Variants in KIRREL3 observed in about 807,000 individuals in gnomAD.
KIRREL3 encodes the protein kin of IRRE-like protein 3.
Under a neutral mutation model 89.7 loss-of-function variants are expected in KIRREL3, and 36 were observed. The ratio of observed to expected loss-of-function variants is 0.40; its 90% confidence interval spans 0.31 to 0.53. KIRREL3 has a LOEUF of 0.53. Among genes scored for constraint, KIRREL3 ranks in the 20% least tolerant of loss-of-function variants. The pLI is 0.49. For missense variants in KIRREL3, 864 were observed against 1,056.6 expected (o/e 0.82, Z 2.53); for synonymous variants, 445 against 441.4 (o/e 1.01, Z -0.10).
At position 126,896,292 on chromosome 11, in the gene KIRREL3, G is replaced by C. The variant is rs928090049; in HGVS notation, c.55+104163C>G. Among the ~76,000 whole-genome samples, 4 of 152,232 alleles carry C rather than the reference G, an allele frequency of 2.6e-5. No individual in the cohort carries two copies. The highest frequency in any genetic ancestry group is 5.9e-5 in the Non-Finnish European group (4 of 68,044). The stretch of plus-strand genomic sequence containing the variant: ...TACCATCCAAGACAGAACTCTGCTA[G>C]TCTGCAAGGATGAACATGGTCCATG... On this transcript the variant is annotated intron_variant, in intron 1 of 16. Coordinates refer to ENST00000525144, the MANE Select transcript of KIRREL3 (RefSeq NM_032531.4). The surrounding 1 kb of genome is among the most constrained non-coding windows in gnomAD (Gnocchi z 4.1).
At chr11:126,701,957 C>A (rs1228555867) in intron 1 of KIRREL3, among the ~76,000 whole-genome samples, 1 of 152,172 alleles carries the variant, frequency 6.6e-6, no homozygotes, top group Non-Finnish European at 1.5e-5. Context: ...TGGTCTTGAG[C>A]AAGTTACTTA....
chr11:126,710,562 A>G lies in KIRREL3; in HGVS notation c.56-147650T>C, dbSNP rs1947717680. On this transcript the variant is annotated intron_variant, in intron 1 of 16. Coordinates refer to ENST00000525144, the MANE Select transcript of KIRREL3 (RefSeq NM_032531.4). The surrounding 1 kb of genome is among the most constrained non-coding windows in gnomAD (Gnocchi z 4.2). ...GGAGCTTGGAGGACTATTTTGCTAA[A>G]TGATGCACCCTGTGAATAACCATCA... is the stretch of plus-strand genomic sequence containing the variant. 6.6e-6 allele frequency among the ~76,000 whole-genome samples: 1 copy of G among 152,146 alleles called. No homozygotes were observed. The highest frequency in any genetic ancestry group is 2.1e-4 in the South Asian group (1 of 4,822).
At chr11:126,839,389 T>C (rs942413147) in intron 1 of KIRREL3, among the ~76,000 whole-genome samples, 7 of 152,112 alleles carry the variant, frequency 4.6e-5, no homozygotes, top group Admixed American at 4.6e-4. Context: ...AATAAATGAA[T>C]ATAAATGTAA....
chr11:126,624,888 A>G lies in KIRREL3; in HGVS notation c.56-61976T>C, dbSNP rs1389473057. 6.6e-6 allele frequency among the ~76,000 whole-genome samples: 1 copy of G among 152,148 alleles called. No homozygotes were observed. Among genetic ancestry groups the G allele is most frequent in the African/African-American group, 2.4e-5 (1 of 41,442 alleles). ...CTGCACTTTCTCCAGACCTACCATC[A>G]GTAAGGATGGTGGAAATTGGGGTGG... On this transcript the variant is annotated intron_variant, in intron 1 of 16. Coordinates refer to ENST00000525144, the MANE Select transcript of KIRREL3 (RefSeq NM_032531.4). This position sits in a 1 kb window ranked among gnomAD's most constrained non-coding sequence, Gnocchi z 6.0.
At chr11:126,613,972 C>T (rs946836145) in intron 1 of KIRREL3, among the ~76,000 whole-genome samples, 2 of 143,538 alleles carry the variant, frequency 1.4e-5, no homozygotes, top group African/African-American at 5.2e-5. Context: ...GCTGAATGCA[C>T]AGGACCTTAA....
intron 4 of KIRREL3, among the ~76,000 whole-genome samples, chr11:126,497,211 TGTGTGA>T (rs1178315639): frequency 0.011 from 274 of 25,610 alleles, 2 homozygotes; most frequent in East Asian, 0.048. Flanking sequence ...TGAGTGTGAG[TGTGTGA>T]GAGTGAGTGT....
At chr11:126,540,138 T>A (rs747039116) in intron 2 of KIRREL3, among the ~76,000 whole-genome samples, 10 of 152,306 alleles carry the variant, frequency 6.6e-5, no homozygotes, top group Non-Finnish European at 1.5e-4. Flanking sequence ...TTCTCTATTG[T>A]CTGTTTCTCC....
At chr11:126,695,478 T>C (rs1289055976) in intron 1 of KIRREL3, among the ~76,000 whole-genome samples, 2 of 150,986 alleles carry the variant, frequency 1.3e-5, no homozygotes, top group African/African-American at 2.4e-5. Flanking sequence ...ATTGGTAAAG[T>C]TGGCATTAGT....
At chr11:126,472,703 G>GGAGAGAGAGAGAGAGAGAGAGAGA (rs56276959) in intron 5 of KIRREL3, among the ~76,000 whole-genome samples, 5,181 of 133,336 alleles carry the variant, frequency 0.039, 181 homozygotes, top group Admixed American at 0.059. Context: ...AGGACATAGA[G>GGAGAGAGAGAGAGAGAGAGAGAGA]GAGAGAGAGA....
At position 126,780,825 on chromosome 11, in the gene KIRREL3, C is replaced by T. The variant is rs1950305335; in HGVS notation, c.56-217913G>A. On this transcript the variant is annotated intron_variant, in intron 1 of 16. Transcript: ENST00000525144. The surrounding 1 kb of genome is among the most constrained non-coding windows in gnomAD (Gnocchi z 5.3). ...TTAAATATGCATCAAAAACACCACA[C>T]AGCAGGGAGGCTTCTCAGCTTTGCC... 6.6e-6 allele frequency among the ~76,000 whole-genome samples: 1 copy of T among 152,378 alleles called. No homozygotes were observed. Among genetic ancestry groups the T allele is most frequent in the Middle Eastern group, 3.4e-3 (1 of 294 alleles).
chr11:126,732,651 G>A (rs1948666999), intron 1 of KIRREL3, among the ~76,000 whole-genome samples: 1 of 152,224 alleles, frequency 6.6e-6, no homozygotes, highest in Non-Finnish European at 1.5e-5. Flanking sequence ...TGGGCAGCCT[G>A]GCTCTGAACC....
At chr11:126,926,042 A>T (rs1266213127) in intron 1 of KIRREL3, among the ~76,000 whole-genome samples, 3 of 152,006 alleles carry the variant, frequency 2.0e-5, no homozygotes, top group Non-Finnish European at 4.4e-5. Context: ...TTCTTATATG[A>T]CTCTAACCAC....
In KIRREL3 at chr11:126,812,885, C is replaced by A. The variant is rs138054556; in HGVS notation, c.55+187570G>T. On this transcript the variant is annotated intron_variant, in intron 1 of 16. Coordinates refer to ENST00000525144, the MANE Select transcript of KIRREL3 (RefSeq NM_032531.4). This position sits in a 1 kb window ranked among gnomAD's most constrained non-coding sequence, Gnocchi z 5.2. ...AAAGGAAGTGGCCTACGGGAATCTG[C>A]GCACCTCTGCTGTGACCGGGAAGCT... Among the ~76,000 whole-genome samples, 6 of 152,280 alleles carry A rather than the reference C, an allele frequency of 3.9e-5. No homozygotes were observed. The East Asian group carries it at 1.2e-3, about 29-fold the overall frequency.
At chr11:126,631,844 A>G (rs1427402763) in intron 1 of KIRREL3, among the ~76,000 whole-genome samples, 1 of 152,208 alleles carries the variant, frequency 6.6e-6, no homozygotes, top group Non-Finnish European at 1.5e-5. Context: ...CAGAGTCAGG[A>G]AGCCTGGATG....
intron 1 of KIRREL3, among the ~76,000 whole-genome samples, chr11:126,927,385 T>TTA (rs1291009775): frequency 6.6e-6 from 1 of 152,258 alleles, no homozygotes; most frequent in Non-Finnish European, 1.5e-5. Context: ...TCTTACCCAG[T>TTA]TATATATACA....
chr11:126,908,311 A>C lies in KIRREL3; in HGVS notation c.55+92144T>G, dbSNP rs1339484764. ...AGAGATTTTTATGATCATTTTGTCC[A>C]GCCAAGACTAAGAGATCTTTATGAT... On this transcript the variant is annotated intron_variant, in intron 1 of 16. Coordinates refer to ENST00000525144, the MANE Select transcript of KIRREL3 (RefSeq NM_032531.4). The surrounding 1 kb of genome is among the most constrained non-coding windows in gnomAD (Gnocchi z 4.2). Among the ~76,000 whole-genome samples the C allele has an allele frequency of 6.6e-6, 1 of 152,232 alleles. No individual in the cohort carries two copies. Among genetic ancestry groups the C allele is most frequent in the Non-Finnish European group, 1.5e-5 (1 of 68,042 alleles).
chr11:126,518,758 C>G (rs1958497253), intron 4 of KIRREL3, among the ~76,000 whole-genome samples: 1 of 152,232 alleles, frequency 6.6e-6, no homozygotes, highest in Non-Finnish European at 1.5e-5. Flanking sequence ...GGTCCCCTTC[C>G]AGCTGGCTGG....
At chr11:126,975,849 C>T (rs994790801) in intron 1 of KIRREL3, among the ~76,000 whole-genome samples, 3 of 151,650 alleles carry the variant, frequency 2.0e-5, no homozygotes, top group African/African-American at 7.3e-5. Flanking sequence ...GTTCCTCCCA[C>T]CTTCCTCATA....
chr11:126,694,794 A>T lies in KIRREL3; in HGVS notation c.56-131882T>A, dbSNP rs1415579421. ...TGAGAGTGCTTACTCAGTATCAGGT[A>T]GATGCTCACTAAATGTAAAACTCCC... On this transcript the variant is annotated intron_variant, in intron 1 of 16. Transcript: ENST00000525144. This position sits in a 1 kb window ranked among gnomAD's most constrained non-coding sequence, Gnocchi z 4.4. 2.6e-5 allele frequency among the ~76,000 whole-genome samples: 4 copies of T among 152,216 alleles called. No homozygotes were observed. The highest frequency in any genetic ancestry group is 5.9e-5 in the Non-Finnish European group (4 of 68,036).
Sources: allele counts gnomAD v4.1 joint callset (sites outside exome capture counted in the v4.1 genomes callset), GRCh38; gene constraint gnomAD v4.1.1; non-coding constraint Gnocchi (gnomAD v3.1); transcripts MANE v1.5; gene names NCBI Gene and HGNC (gene_info 2026-07-23, HGNC 2026-07-21).